CAPN9: variants seen among roughly 807,000 people sequenced by gnomAD.
CAPN9 encodes calpain 9.
CAPN9 carries 81 observed loss-of-function variants against 92.8 expected under a neutral mutation model. The observed-to-expected ratio is 0.87, with a 90% CI of 0.73 to 1.05. The LOEUF (loss-of-function observed/expected upper bound fraction) is 1.05. Ranked by LOEUF, CAPN9 falls within the 50% of genes least tolerant of loss-of-function variation. The pLI, the probability that CAPN9 is intolerant of heterozygous loss-of-function variation, is 0.00. For missense variants in CAPN9, 848 were observed against 866.2 expected, an observed-to-expected ratio of 0.98 and a Z score of 0.26; for synonymous variants, 304 against 328.0, an observed-to-expected ratio of 0.93 and a Z score of 0.79.
At chr1:230,752,569 G>A (rs1482103308) in intron 1 of CAPN9, 5 of 503,796 alleles carry the variant, frequency 9.9e-6, no homozygotes, top group Non-Finnish European at 1.3e-5. Context: ...TACGGTTGGC[G>A]GGGCCAGGCC....
intron 18 of CAPN9, among the ~76,000 whole-genome samples, chr1:230,796,374 T>TAAA (rs1668361207): frequency 6.8e-6 from 1 of 146,906 alleles, no homozygotes; most frequent in Non-Finnish European, 1.5e-5. Flanking sequence ...AAATAAATAA[T>TAAA]AAAATTAAAT....
chr1:230,784,907 G>GT (rs1667474801), intron 11 of CAPN9, among the ~76,000 whole-genome samples: 1 of 152,116 alleles, frequency 6.6e-6, no homozygotes, highest in Non-Finnish European at 1.5e-5. Context: ...AAAGCCACAG[G>GT]TACTCAACAA....
intron 7 of CAPN9, among the ~76,000 whole-genome samples, chr1:230,774,084 C>T (rs570128445): frequency 6.6e-6 from 1 of 152,258 alleles, no homozygotes; most frequent in Admixed American, 6.5e-5. Flanking sequence ...CAAAAGGTGC[C>T]GGGTACAGAC....
intron 1 of CAPN9, among the ~76,000 whole-genome samples, chr1:230,751,055 G>A (rs1664728176): frequency 6.6e-6 from 1 of 152,082 alleles, no homozygotes; most frequent in Admixed American, 6.6e-5. Flanking sequence ...TTTATTTTTG[G>A]CCAGGCAATT....
In CAPN9 at chr1:230,779,024, C is replaced by A. The variant is rs747435521; in HGVS notation, c.1005C>A (p.Asn335Lys). 5 of 1,613,022 alleles carry A rather than the reference C, an allele frequency of 3.1e-6. No individual in the cohort carries two copies. Among genetic ancestry groups the A allele is most frequent in the Middle Eastern group, 1.7e-4 (1 of 5,946 alleles). Residue 335 changes from asparagine (N) to lysine (K), a missense_variant, in exon 9 of 20, where the codon AAC (asparagine) becomes AAA (lysine). Coordinates refer to ENST00000271971, the MANE Select transcript of CAPN9 (RefSeq NM_006615.3). ...KAHFDKVEIC[N>K]LTPDALEEDA... The stretch of plus-strand genomic sequence containing the variant: ...ACTTTGATAAAGTGGAGATCTGCAA[C>A]CTCACTCCCGATGCCCTGGAGGAAG...
rs71563451 is a variant in CAPN9, at chr1:230,768,010, TAATAAATAAATAAATA to T, written c.705+332_705+347del. Among the ~76,000 whole-genome samples, 1,181 of 139,664 alleles carry T rather than the reference TAATAAATAAATAAATA, an allele frequency of 8.5e-3. 12 individuals carry two copies. Among genetic ancestry groups the T allele is most frequent in the African/African-American group, 0.028 (1,030 of 37,388 alleles). The allele number at this position is 139,664 out of a possible 152,430, so 91.6% of individuals were successfully genotyped here. Reference sequence around the variant, plus strand: ...CACATGTACCCTAAAACTTAAAGTATAATAAATAAATAAATAAATAAATAAATAAATAAATAAATAA... The same window carrying T: ...CACATGTACCCTAAAACTTAAAGTATAATAAATAAATAAATAAATAAATAA... On this transcript the variant is annotated intron_variant, in intron 5 of 19. Coordinates refer to ENST00000271971, the MANE Select transcript of CAPN9 (RefSeq NM_006615.3).
chr1:230,752,371 C>T (rs1218778375), intron 1 of CAPN9, among the ~76,000 whole-genome samples: 1 of 152,244 alleles, frequency 6.6e-6, no homozygotes, highest in East Asian at 1.9e-4. Flanking sequence ...ATCCAGACAC[C>T]TCCCCAATTT....
intron 8 of CAPN9, 29 bp from the exon 9 acceptor site, chr1:230,778,944 G>A (rs368728974): frequency 6.2e-7 from 1 of 1,600,812 alleles, no homozygotes. Context: ...TTGCCCTCCT[G>A]TGCATCGTGT....
At chr1:230,754,223 T>C (rs566895290) in intron 1 of CAPN9, among the ~76,000 whole-genome samples, 1 of 152,152 alleles carries the variant, frequency 6.6e-6, no homozygotes, top group East Asian at 1.9e-4. Context: ...TTTGTTGTCG[T>C]CCAATGTCAG....
intron 5 of CAPN9, among the ~76,000 whole-genome samples, chr1:230,768,409 G>A: frequency 6.6e-6 from 1 of 152,074 alleles, no homozygotes; most frequent in Non-Finnish European, 1.5e-5. Flanking sequence ...CCTGGGACTG[G>A]GATCACCTGG....
In CAPN9 at chr1:230,791,851, T is replaced by A. The variant is rs759722726; in HGVS notation, c.1658-13T>A. 34 of 1,609,894 alleles carry A rather than the reference T, an allele frequency of 2.1e-5. No homozygotes were observed. Among genetic ancestry groups the A allele is most frequent in the East Asian group, 1.3e-4 (6 of 44,884 alleles). ...TCGGGTCAACTGAATTCAGCTTTCA[T>A]GTGCAATTTCAGAAAAGGACATCAA... On this transcript the variant is annotated splice_polypyrimidine_tract_variant and intron_variant, in intron 14 of 19. Coordinates refer to ENST00000271971, the MANE Select transcript of CAPN9 (RefSeq NM_006615.3).
chr1:230,773,837 G>A (rs978286334), intron 7 of CAPN9, among the ~76,000 whole-genome samples: 6 of 152,304 alleles, frequency 3.9e-5, no homozygotes, highest in African/African-American at 1.2e-4. Context: ...TGCCACGTTG[G>A]CTGTAGCACC....
intron 14 of CAPN9, chr1:230,790,408 A>G (rs1667901326): frequency 1.5e-6 from 1 of 668,452 alleles, no homozygotes; most frequent in Middle Eastern, 7.4e-4. Context: ...GCCTAATGAC[A>G]AAGATAGTCA....
At chr1:230,762,180 C>A (rs186285351) in intron 3 of CAPN9, among the ~76,000 whole-genome samples, 3 of 152,174 alleles carry the variant, frequency 2.0e-5, no homozygotes, top group South Asian at 4.1e-4. Flanking sequence ...CTTAGGGGCT[C>A]CACTTATGGG....
Position 230,767,644 on chromosome 1 carries a change from G to C in CAPN9, c.640G>C (p.Glu214Gln). The C allele has an allele frequency of 6.2e-7, 1 of 1,613,890 alleles. No individual in the cohort carries two copies. The highest frequency in any genetic ancestry group is 8.5e-7 in the Non-Finnish European group (1 of 1,179,966). The change falls in exon 5 of 20, where the codon GAG (glutamate) becomes CAG (glutamine). Residue 214 changes from glutamate (E) to glutamine (Q), a missense_variant. Glu to Gln is a conservative substitution (Grantham distance 29). Transcript: ENST00000271971. ...AETFQTKEAP[E>Q]NFYEILEKAL... is the part of the protein sequence containing the mutation. ...GACCTTCCAAACTAAAGAGGCCCCC[G>C]AGAACTTCTATGAGATTCTAGAGAA...
At chr1:230,784,531 G>A (rs1341755491) in intron 11 of CAPN9, among the ~76,000 whole-genome samples, 1 of 152,196 alleles carries the variant, frequency 6.6e-6, no homozygotes, top group Non-Finnish European at 1.5e-5. Flanking sequence ...CTGCTCAAAG[G>A]CACCAGATAC....
chr1:230,780,875 T>A (rs1667171940), intron 11 of CAPN9, among the ~76,000 whole-genome samples, 167 bp downstream of exon 11: 1 of 151,870 alleles, frequency 6.6e-6, no homozygotes, highest in South Asian at 2.1e-4. Flanking sequence ...TTATTAATTT[T>A]TTTTTTTGAA....
At chr1:230,764,573 G>A (rs1175834970) in intron 4 of CAPN9, among the ~76,000 whole-genome samples, 2 of 152,228 alleles carry the variant, frequency 1.3e-5, no homozygotes, top group Non-Finnish European at 2.9e-5. Flanking sequence ...GGAGAGAAAG[G>A]TGCTGACCTA....
At position 230,795,272 on chromosome 1, in the gene CAPN9, T is replaced by C. The variant is rs757621315; in HGVS notation, c.1980T>C (p.Asn660=). The C allele has an allele frequency of 8.4e-5, 135 of 1,601,662 alleles. No homozygotes were observed. The highest frequency in any genetic ancestry group is 1.7e-4 in the Middle Eastern group (1 of 6,004). ...TCAACTGCCTGGTCCGGCTGGAGAATGCGAGCCGTAAGTGTCCAGCGAGGC... is the reference window on the plus strand; with the variant it reads ...TCAACTGCCTGGTCCGGCTGGAGAACGCGAGCCGTAAGTGTCCAGCGAGGC... ...DFLNCLVRLE[N]ASRVFQALST... Residue 660 remains asparagine (N), a synonymous_variant, in exon 18 of 20, where the codon AAT becomes AAC. Coordinates refer to ENST00000271971, the MANE Select transcript of CAPN9 (RefSeq NM_006615.3).
Sources: allele counts gnomAD v4.1 joint callset (sites outside exome capture counted in the v4.1 genomes callset), GRCh38; gene constraint gnomAD v4.1.1; transcripts MANE v1.5; gene names NCBI Gene and HGNC (gene_info 2026-07-23, HGNC 2026-07-21).